Variants in PHKA2 observed in about 807,000 individuals in gnomAD.
PHKA2 encodes phosphorylase kinase regulatory subunit alpha 2.
Under a neutral mutation model 102.0 loss-of-function variants are expected in PHKA2, and 31 were observed. The observed-to-expected ratio is 0.30, with a 90% CI of 0.23 to 0.41. The LOEUF is 0.41. PHKA2 is among the 10% of genes least tolerant of loss of function. The pLI is 1.00. For synonymous variants in PHKA2, 455 were observed against 416.2 expected (o/e 1.09, Z -1.13); for missense variants, 858 against 1,023.1 (o/e 0.84, Z 2.20).
At chrX:18,962,864 TAA>T (rs1293351305) in intron 1 of PHKA2, among the ~76,000 whole-genome samples, 1 of 111,550 alleles carries the variant, frequency 9.0e-6, no homozygotes, top group Non-Finnish European at 1.9e-5. Context: ...CACCATGTTT[TAA>T]AAGAGACATT....
chrX:18,905,192 A>G (rs960561249), intron 26 of PHKA2, among the ~76,000 whole-genome samples: 18 of 111,855 alleles, frequency 1.6e-4, no homozygotes, highest in African/African-American at 5.5e-4. Flanking sequence ...CTTTTTTTTG[A>G]GAACAGAGTT....
chrX:18,895,250 G>GCA lies in PHKA2; in HGVS notation c.3283-61_3283-60dup, dbSNP rs1161753849. On this transcript the variant is annotated intron_variant, in intron 30 of 32. Coordinates refer to ENST00000379942, the MANE Select transcript of PHKA2 (RefSeq NM_000292.3). ...TCCAGAATGGGATAAGCACATGCAT[G>GCA]CACACACAGGCGTGCATGCACACAC... 3 of 1,040,074 alleles carry GCA rather than the reference G, an allele frequency of 2.9e-6. No homozygotes were observed. The East Asian group carries it at 9.1e-5, about 31-fold the overall frequency. 85.7% of individuals were successfully genotyped at this position (1,040,074 alleles called of 1,213,427 possible).
rs1469777602 is a variant in PHKA2 at position 18,906,590 on chromosome X, G to A, written c.2711C>T (p.Ala904Val). ...CATCTCCACAAAGAGGCTGGGCTGC[G>A]CCCTGACATACATGGCCAGGTAAAC... is the stretch of plus-strand genomic sequence containing the variant. ...IVVYLAMYVR[A>V]QPSLFVEMLR... Residue 904 changes from alanine (A) to valine (V), a missense_variant, in exon 25 of 33, where the codon GCG becomes GTG. Ala to Val is a moderately conservative substitution (Grantham distance 64). Transcript: ENST00000379942. The A allele has an allele frequency of 2.5e-6, 3 of 1,197,719 alleles. No individual in the cohort carries two copies. Among genetic ancestry groups the A allele is most frequent in the Middle Eastern group, 2.3e-4 (1 of 4,310 alleles).
intron 13 of PHKA2, among the ~76,000 whole-genome samples, chrX:18,928,959 C>T (rs1373543473): frequency 8.9e-6 from 1 of 112,572 alleles, no homozygotes; most frequent in African/African-American, 3.2e-5. Context: ...TGATAAATGA[C>T]GCGCAACGAA....
At chrX:18,981,123 T>C (rs941563217) in intron 1 of PHKA2, among the ~76,000 whole-genome samples, 3 of 111,510 alleles carry the variant, frequency 2.7e-5, no homozygotes, top group Non-Finnish European at 5.6e-5. Context: ...TTCGTTTTTC[T>C]AGAGTAGTTA....
chrX:18,908,142 C>T (rs1186989413), intron 21 of PHKA2, 86 bp from the exon 22 acceptor site: 6 of 933,631 alleles, frequency 6.4e-6, no homozygotes, highest in Non-Finnish European at 9.3e-6. Context: ...TTGCACAGCA[C>T]TTGGGCTCTC....
chrX:18,982,825 C>A (rs948255135), intron 1 of PHKA2, among the ~76,000 whole-genome samples: 4 of 111,776 alleles, frequency 3.6e-5, no homozygotes, highest in African/African-American at 9.8e-5. Context: ...CAGAGTGAGA[C>A]CCTGTCTCAA....
At chrX:18,896,159 TAAA>T (rs1788820624) in intron 30 of PHKA2, 1 of 109,507 alleles carries the variant, frequency 9.1e-6, no homozygotes, top group Non-Finnish European at 1.9e-5. Context: ...TGAAATGAAC[TAAA>T]AAATAGTTCT....
chrX:18,967,021 G>T (rs1460538409), intron 1 of PHKA2, among the ~76,000 whole-genome samples: 2 of 111,151 alleles, frequency 1.8e-5, no homozygotes, highest in Non-Finnish European at 3.8e-5. Flanking sequence ...AAAATCAACA[G>T]GGCTTGGTGA....
At chrX:18,960,477 G>C (rs1049233295) in intron 1 of PHKA2, among the ~76,000 whole-genome samples, 5 of 111,770 alleles carry the variant, frequency 4.5e-5, no homozygotes, top group African/African-American at 1.6e-4. Flanking sequence ...ATGGTGGAAG[G>C]CAAAACGGAA....
intron 20 of PHKA2, among the ~76,000 whole-genome samples, chrX:18,909,396 A>G (rs1336789681): frequency 4.5e-5 from 5 of 112,056 alleles, no homozygotes. Context: ...AGTTGAAAAC[A>G]TTGGAAAAAT....
intron 1 of PHKA2, among the ~76,000 whole-genome samples, chrX:18,968,890 T>C (rs1384559535): frequency 1.8e-5 from 2 of 111,761 alleles, no homozygotes; most frequent in Non-Finnish European, 3.8e-5. Context: ...CCAAGGTGGG[T>C]GGATCACCTG....
intron 1 of PHKA2, among the ~76,000 whole-genome samples, chrX:18,977,365 G>C (rs1425962844): frequency 8.9e-6 from 1 of 112,239 alleles, no homozygotes; most frequent in Non-Finnish European, 1.9e-5. Flanking sequence ...AAACAAGTAA[G>C]TATTTCCTAT....
Position 18,895,173 on chromosome X carries a change from C to T in PHKA2, c.3301G>A (p.Asp1101Asn), listed in dbSNP as rs763351065. Residue 1101 changes from aspartate (D) to asparagine (N), a missense_variant, in exon 31 of 33, where the codon GAT (aspartate) becomes AAT (asparagine). Coordinates refer to ENST00000379942, the MANE Select transcript of PHKA2 (RefSeq NM_000292.3). ...GTCGAGGATGGGAGGACATAACCAT[C>T]GATGGAGAGACCGTGGCACTGGAGG... is the stretch of plus-strand genomic sequence containing the variant. ...ILQKCHGLSIDGYVLPSSTTR... is the reference protein window; with the variant it reads ...ILQKCHGLSINGYVLPSSTTR... The T allele has an allele frequency of 3.3e-6, 4 of 1,209,355 alleles. No individual in the cohort carries two copies. The highest frequency in any genetic ancestry group is 3.4e-6 in the Non-Finnish European group (3 of 894,619).
At chrX:18,968,366 T>C (rs1467978539) in intron 1 of PHKA2, among the ~76,000 whole-genome samples, 1 of 112,889 alleles carries the variant, frequency 8.9e-6, no homozygotes, top group Non-Finnish European at 1.9e-5. Context: ...GTATTCACTT[T>C]GTGGCAACGT....
intron 20 of PHKA2, 104 bp from the exon 21 acceptor site, chrX:18,909,038 C>T: frequency 9.7e-7 from 1 of 1,032,453 alleles, no homozygotes; most frequent in Non-Finnish European, 1.4e-6. Flanking sequence ...TATTGCTGTG[C>T]TGTGCTCCAG....
At chrX:18,958,923 T>TG (rs2048824913) in intron 1 of PHKA2, among the ~76,000 whole-genome samples, 1 of 112,068 alleles carries the variant, frequency 8.9e-6, no homozygotes, top group African/African-American at 3.2e-5. Flanking sequence ...TTGGTCAGGC[T>TG]GGTCTTGAAC....
Position 18,901,508 on chromosome X carries a change from T to C in PHKA2, c.3004A>G (p.Arg1002Gly), listed in dbSNP as rs768124928. 2 of 1,188,743 alleles carry C rather than the reference T, an allele frequency of 1.7e-6. No individual in the cohort carries two copies. The highest frequency in any genetic ancestry group is 1.8e-5 in the South Asian group (1 of 56,433). ...VTKTERSGIN[R>G]LRSEMKQMTR... Reference sequence around the variant, plus strand: ...ACCTGTTTCATTTCACTCCTCAGTCTGTTAATGCCACTCCTCTCAGTTTTG... The same window carrying C: ...ACCTGTTTCATTTCACTCCTCAGTCCGTTAATGCCACTCCTCTCAGTTTTG... Residue 1002 changes from arginine (R) to glycine (G), a missense_variant, in exon 27 of 33, where the codon AGA becomes GGA. Transcript: ENST00000379942.
chrX:18,948,239 C>T lies in PHKA2; in HGVS notation c.537+505G>A, dbSNP rs1483349879. The stretch of plus-strand genomic sequence containing the variant: ...CTATAATCCCAGCACTTTGGGAGGC[C>T]GAGGCAGGAGGATCACCTGAGGTCA... On this transcript the variant is annotated intron_variant, in intron 5 of 32. Transcript: ENST00000379942. Among the ~76,000 whole-genome samples, 9 of 111,767 alleles carry T rather than the reference C, an allele frequency of 8.1e-5. No individual in the cohort carries two copies. In the Admixed American group the frequency reaches 8.5e-4, roughly 11 times the overall value.
Sources: gnomAD v4.1 joint callset for allele counts (sites outside exome capture counted in the v4.1 genomes callset) on GRCh38, gnomAD v4.1.1 for gene constraint, MANE v1.5 for transcripts, NCBI Gene and HGNC (gene_info 2026-07-23, HGNC 2026-07-21) for gene names.